GMDS: variants seen among roughly 807,000 people sequenced by gnomAD.
The protein encoded by GMDS is GDP-mannose 4,6 dehydratase.
GMDS carries 20 observed loss-of-function variants against 49.9 expected under a neutral mutation model. The observed-to-expected ratio is 0.40, with a 90% CI of 0.28 to 0.58. The LOEUF is 0.58. Ranked by LOEUF, GMDS falls within the 20% of genes least tolerant of loss-of-function variation. The pLI, the probability that GMDS is intolerant of heterozygous loss-of-function variation, is 0.42. For missense variants in GMDS, 362 were observed against 481.4 expected (o/e 0.75, Z 2.32); for synonymous variants, 177 against 178.6 (o/e 0.99, Z 0.07).
intron 7 of GMDS, among the ~76,000 whole-genome samples, chr6:1,906,706 A>G (rs1048202677): frequency 6.6e-6 from 1 of 152,164 alleles, no homozygotes; most frequent in Non-Finnish European, 1.5e-5. Flanking sequence ...GGTTTCCTGC[A>G]GTTCCAAAAG....
At chr6:1,671,696 C>G (rs1202462375) in intron 9 of GMDS, among the ~76,000 whole-genome samples, 5 of 138,388 alleles carry the variant, frequency 3.6e-5, no homozygotes, top group Non-Finnish European at 7.6e-5. Flanking sequence ...GACGGAATCT[C>G]ACTGTGTCGC....
At chr6:1,655,182 G>A (rs1479431101) in intron 9 of GMDS, among the ~76,000 whole-genome samples, 1 of 151,298 alleles carries the variant, frequency 6.6e-6, no homozygotes, top group Non-Finnish European at 1.5e-5. Context: ...TTTCAAAAAA[G>A]ACAAAAAGTG....
chr6:2,151,215 T>C (rs1236938125), intron 1 of GMDS, among the ~76,000 whole-genome samples: 1 of 152,134 alleles, frequency 6.6e-6, no homozygotes, highest in Admixed American at 6.5e-5. Context: ...TTTGAGATGA[T>C]GGACATTCCA....
chr6:1,657,218 C>T (rs1399859038), intron 9 of GMDS, among the ~76,000 whole-genome samples: 2 of 152,186 alleles, frequency 1.3e-5, no homozygotes, highest in Non-Finnish European at 2.9e-5. Context: ...GTGTCATGGG[C>T]CTGCTGGAAT....
chr6:1,708,622 C>T (rs9501762), intron 9 of GMDS, among the ~76,000 whole-genome samples: 1 of 152,122 alleles, frequency 6.6e-6, no homozygotes, highest in South Asian at 2.1e-4. Context: ...TCAAACCATG[C>T]CTATTATAAA....
chr6:1,951,900 C>T (rs1763357790), intron 6 of GMDS: 1 of 985,238 alleles, frequency 1.0e-6, no homozygotes, highest in Admixed American at 6.2e-5. Context: ...CTGAGACATT[C>T]CGTTTCCAAC....
chr6:1,878,338 AG>A (rs1209857412), intron 7 of GMDS, among the ~76,000 whole-genome samples: 4 of 144,066 alleles, frequency 2.8e-5, no homozygotes, highest in South Asian at 2.2e-4. Context: ...AAAAAAAAAA[AG>A]TTATCCAGGC....
intron 4 of GMDS, among the ~76,000 whole-genome samples, chr6:2,051,142 G>A (rs1770369802): frequency 2.0e-5 from 3 of 152,162 alleles, no homozygotes; most frequent in South Asian, 2.1e-4. Context: ...GTGATGCAGG[G>A]GCCATGAGCC....
At chr6:1,919,289 T>C (rs893452932) in intron 7 of GMDS, among the ~76,000 whole-genome samples, 10 of 152,200 alleles carry the variant, frequency 6.6e-5, no homozygotes, top group Admixed American at 5.2e-4. Flanking sequence ...AGCCCAACCA[T>C]TCTCTCTATG....
intron 7 of GMDS, among the ~76,000 whole-genome samples, chr6:1,909,390 AC>A (rs1169970609): frequency 1.3e-5 from 2 of 152,222 alleles, no homozygotes; most frequent in Non-Finnish European, 2.9e-5. Flanking sequence ...CAAATCAAAG[AC>A]CCAAAAGTAT....
chr6:1,977,655 C>T lies in GMDS; in HGVS notation c.346-16689G>A, dbSNP rs117587583. Among the ~76,000 whole-genome samples the T allele has an allele frequency of 1.8e-3, 272 of 152,254 alleles. 7 individuals carry two copies. The East Asian group carries it at 0.046, about 26-fold the overall frequency. On this transcript the variant is annotated intron_variant, in intron 4 of 10. Transcript: ENST00000380815. ...GGGGCAATGGCCCACCTAGGGGCAT[C>T]ATGGAGGCAAGGGAACCCCCACCCC...
At chr6:1,770,503 C>T (rs190124118) in intron 7 of GMDS, among the ~76,000 whole-genome samples, 28 of 152,360 alleles carry the variant, frequency 1.8e-4, no homozygotes, top group Admixed American at 1.6e-3. Context: ...TGCTGCAGAG[C>T]GCCTCTGGGA....
At position 1,888,140 on chromosome 6, in the gene GMDS, T is replaced by TA. The variant is rs1249378287; in HGVS notation, c.771+41962_771+41963insT. ...TTTTTTTATTATTATTATTATTTTT[T>TA]TTTTTTTTTTGAAGAGATGAGGGTC... is the stretch of plus-strand genomic sequence containing the variant. On this transcript the variant is annotated intron_variant, in intron 7 of 10. Coordinates refer to ENST00000380815, the MANE Select transcript of GMDS (RefSeq NM_001500.4). Among the ~76,000 whole-genome samples, 505 of 142,718 alleles carry TA rather than the reference T, an allele frequency of 3.5e-3. 1 individual carries two copies. The highest frequency in any genetic ancestry group is 7.3e-3 in the South Asian group (31 of 4,226). 93.6% of individuals were successfully genotyped at this position (142,718 alleles called of 152,430 possible).
At chr6:1,973,176 A>G (rs1378294106) in intron 4 of GMDS, among the ~76,000 whole-genome samples, 1 of 152,220 alleles carries the variant, frequency 6.6e-6, no homozygotes, top group Non-Finnish European at 1.5e-5. Context: ...CAATTGCTCA[A>G]TGGTTTGGGT....
chr6:1,663,508 C>T (rs1198478094), intron 9 of GMDS, among the ~76,000 whole-genome samples: 2 of 152,200 alleles, frequency 1.3e-5, no homozygotes, highest in African/African-American at 4.8e-5. Flanking sequence ...CGGAATTTTT[C>T]CAAAGGTACC....
intron 1 of GMDS, among the ~76,000 whole-genome samples, chr6:2,229,507 G>A (rs1300357047): frequency 6.6e-6 from 1 of 151,978 alleles, no homozygotes; most frequent in Admixed American, 6.6e-5. Context: ...GATTAGTTGA[G>A]CCCAGCATGT....
At chr6:1,878,722 TAG>T (rs1340664180) in intron 7 of GMDS, among the ~76,000 whole-genome samples, 2 of 152,206 alleles carry the variant, frequency 1.3e-5, no homozygotes, top group African/African-American at 4.8e-5. Context: ...TATAAATGAA[TAG>T]AGTGTATTTT....
chr6:1,734,795 T>C (rs567877783), intron 8 of GMDS, among the ~76,000 whole-genome samples: 10 of 152,334 alleles, frequency 6.6e-5, no homozygotes, highest in South Asian at 2.1e-4. Context: ...ACTAGGAAGA[T>C]GAATTCAACA....
intron 7 of GMDS, among the ~76,000 whole-genome samples, chr6:1,858,844 A>G (rs776630308): frequency 1.2e-4 from 19 of 152,238 alleles, no homozygotes; most frequent in Non-Finnish European, 2.5e-4. Context: ...TACTGTCTAC[A>G]TAAGAAGTTA....
Sources: allele counts gnomAD v4.1 joint callset (sites outside exome capture counted in the v4.1 genomes callset), GRCh38; gene constraint gnomAD v4.1.1; transcripts MANE v1.5; gene names NCBI Gene and HGNC (gene_info 2026-07-23, HGNC 2026-07-21).